Variants in COL19A1 observed in about 807,000 individuals in gnomAD.
COL19A1 encodes the protein collagen alpha-1(XIX) chain.
A neutral mutation model predicts 190.2 loss-of-function variants in COL19A1; 159 were observed. The ratio of observed to expected loss-of-function variants is 0.84; its 90% CI spans 0.73 to 0.95. The LOEUF is 0.95. Among genes scored for constraint, COL19A1 ranks in the 40% least tolerant of loss-of-function variants. The probability of loss-of-function intolerance (pLI) is 0.00; values close to 1 mark genes in which losing one functional copy is unlikely to be tolerated. For missense variants in COL19A1, 1,418 were observed against 1,431.9 expected (o/e 0.99, Z 0.16); for synonymous variants, 509 against 458.9 (o/e 1.11, Z -1.39).
chr6:69,902,716 TG>T (rs1207132362), intron 4 of COL19A1, among the ~76,000 whole-genome samples: 8 of 152,194 alleles, frequency 5.3e-5, no homozygotes, highest in African/African-American at 1.9e-4. Context: ...ACAGCATATA[TG>T]TTCCCTGGAG....
chr6:70,094,217 C>T (rs915938277), intron 15 of COL19A1, among the ~76,000 whole-genome samples: 2 of 152,124 alleles, frequency 1.3e-5, no homozygotes, highest in African/African-American at 4.8e-5. Context: ...TTACATCAGG[C>T]ATAAATCTTA....
intron 2 of COL19A1, among the ~76,000 whole-genome samples, chr6:69,881,445 A>G (rs1208382267): frequency 6.6e-6 from 1 of 152,234 alleles, no homozygotes; most frequent in Non-Finnish European, 1.5e-5. Context: ...AGTACTGTTA[A>G]TTATAAACAC....
intron 18 of COL19A1, among the ~76,000 whole-genome samples, chr6:70,134,297 GA>G (rs749485498): frequency 6.6e-6 from 1 of 151,672 alleles, no homozygotes; most frequent in African/African-American, 2.4e-5. Flanking sequence ...CTATGTCTAG[GA>G]AAAAAAATGG....
intron 49 of COL19A1, among the ~76,000 whole-genome samples, chr6:70,203,573 C>T (rs1025736728): frequency 1.3e-5 from 2 of 152,020 alleles, no homozygotes; most frequent in African/African-American, 4.8e-5. Flanking sequence ...CCACCCCCAC[C>T]ATGCCCACCG....
At chr6:69,895,927 A>G (rs900266533) in intron 2 of COL19A1, among the ~76,000 whole-genome samples, 5 of 150,584 alleles carry the variant, frequency 3.3e-5, no homozygotes, top group African/African-American at 1.2e-4. Context: ...TAACGCTGCC[A>G]TTAATATTCT....
chr6:69,941,050 A>G (rs1174338223), intron 9 of COL19A1, among the ~76,000 whole-genome samples: 2 of 152,202 alleles, frequency 1.3e-5, no homozygotes, highest in African/African-American at 2.4e-5. Context: ...GCTCTAAGGC[A>G]TATTCAGTAG....
intron 47 of COL19A1, among the ~76,000 whole-genome samples, chr6:70,189,136 AT>A (rs964317011): frequency 6.6e-5 from 10 of 152,090 alleles, no homozygotes; most frequent in African/African-American, 1.7e-4. Flanking sequence ...ATCATATTGG[AT>A]TTTTTTTATT....
At chr6:69,870,153 GTTTAT>G (rs1378316817) in intron 1 of COL19A1, among the ~76,000 whole-genome samples, 1 of 152,044 alleles carries the variant, frequency 6.6e-6, no homozygotes. Flanking sequence ...CCTTTGATTT[GTTTAT>G]TTTTAGTCCA....
At chr6:70,000,386 T>A (rs552273779) in intron 11 of COL19A1, among the ~76,000 whole-genome samples, 1 of 152,318 alleles carries the variant, frequency 6.6e-6, no homozygotes, top group African/African-American at 2.4e-5. Flanking sequence ...ATATACCCAG[T>A]AATGGGATTG....
intron 15 of COL19A1, among the ~76,000 whole-genome samples, chr6:70,083,021 G>A (rs563129862): frequency 5.9e-5 from 9 of 152,316 alleles, no homozygotes; most frequent in African/African-American, 1.9e-4. Context: ...TGTGCAGCCC[G>A]GTTCCTAACA....
chr6:69,968,312 T>G (rs1219876635), intron 11 of COL19A1, among the ~76,000 whole-genome samples: 1 of 152,208 alleles, frequency 6.6e-6, no homozygotes, highest in African/African-American at 2.4e-5. Flanking sequence ...CTTGTTATTC[T>G]GTTGCTTTTT....
intron 36 of COL19A1, among the ~76,000 whole-genome samples, chr6:70,165,228 T>C (rs1765076488): frequency 6.6e-6 from 1 of 152,228 alleles, no homozygotes; most frequent in African/African-American, 2.4e-5. Context: ...TAAACATCTA[T>C]GGTTTATAAA....
chr6:70,156,908 T>C (rs966988389), intron 34 of COL19A1, among the ~76,000 whole-genome samples, 185 bp downstream of exon 34: 4 of 152,018 alleles, frequency 2.6e-5, no homozygotes, highest in African/African-American at 4.8e-5. Flanking sequence ...TTACCAAGGG[T>C]CCGGTTTTAG....
intron 9 of COL19A1, among the ~76,000 whole-genome samples, chr6:69,946,576 G>A (rs1773823932): frequency 6.6e-6 from 1 of 151,878 alleles, no homozygotes; most frequent in South Asian, 2.1e-4. Flanking sequence ...TGGGCAATAT[G>A]AGGAAGGAAC....
chr6:69,907,956 C>T (rs969530206), intron 4 of COL19A1, among the ~76,000 whole-genome samples: 9 of 152,178 alleles, frequency 5.9e-5, no homozygotes, highest in East Asian at 1.9e-4. Flanking sequence ...GGAAAAGCTA[C>T]ACTTCCCCCT....
rs1340082883 is a variant in COL19A1 at position 70,149,870 on chromosome 6, G to C, written c.1949G>C (p.Gly650Ala). Residue 650 changes from glycine to alanine, a missense_variant, in exon 29 of 51, where the codon GGG becomes GCG. By Grantham distance (60) the Gly-to-Ala change is moderately conservative (BLOSUM62 0). Transcript: ENST00000620364. ...TTCCAGGGTCCTCGAGGTCTCCCTGGGTTGCCAGGAACTCCAGGGACTCCA... is the reference window on the plus strand; with the variant it reads ...TTCCAGGGTCCTCGAGGTCTCCCTGCGTTGCCAGGAACTCCAGGGACTCCA... ...PGIQGPRGLP[G>A]LPGTPGTPGN... The C allele has an allele frequency of 6.2e-7, 1 of 1,613,476 alleles. No individual in the cohort carries two copies. Among genetic ancestry groups the C allele is most frequent in the South Asian group, 1.1e-5 (1 of 91,052 alleles).
At chr6:70,103,778 T>G (rs1783782654) in intron 16 of COL19A1, among the ~76,000 whole-genome samples, 1 of 152,208 alleles carries the variant, frequency 6.6e-6, no homozygotes. Context: ...AGACACGGCA[T>G]GTTACTTTGG....
chr6:70,146,336 G>T (rs1057137099), intron 25 of COL19A1, among the ~76,000 whole-genome samples: 2 of 152,014 alleles, frequency 1.3e-5, no homozygotes, highest in Non-Finnish European at 2.9e-5. Flanking sequence ...CTGGACTGCC[G>T]GAAAATCTAA....
At position 70,046,247 on chromosome 6, in the gene COL19A1, T is replaced by A. The variant is rs532780807; in HGVS notation, c.1170+10308T>A. ...CTAGTTACCATTATAAATCTCTTGA[T>A]TTTTTCAGTAGCCAATTAATGGTCT... On this transcript the variant is annotated intron_variant, in intron 14 of 50. Transcript: ENST00000620364. Among the ~76,000 whole-genome samples, 13 of 152,310 alleles carry A rather than the reference T, an allele frequency of 8.5e-5. No homozygotes were observed. In the South Asian group the frequency reaches 1.7e-3, roughly 19 times the overall value.
Sources: gnomAD v4.1 joint callset for allele counts (sites outside exome capture counted in the v4.1 genomes callset) on GRCh38, gnomAD v4.1.1 for gene constraint, MANE v1.5 for transcripts, NCBI Gene and HGNC (gene_info 2026-07-23, HGNC 2026-07-21) for gene names.